Variants in ADAMTS17 observed in about 807,000 individuals in gnomAD.
ADAMTS17 encodes A disintegrin and metalloproteinase with thrombospondin motifs 17.
In ADAMTS17, 113 loss-of-function variants were observed where a neutral mutation model predicts 141.5. That is an observed-to-expected ratio of 0.80 (90% CI 0.69 to 0.93). ADAMTS17 has a LOEUF of 0.93. Among genes scored for constraint, ADAMTS17 ranks in the 40% least tolerant of loss-of-function variants. The pLI is 0.00. For synonymous variants in ADAMTS17, 768 were observed against 630.6 expected, an observed-to-expected ratio of 1.22 and a Z score of -3.27; for missense variants, 1,659 against 1,517.9, an observed-to-expected ratio of 1.09 and a Z score of -1.54.
At chr15:100,022,188 C>G (rs1345205835) in intron 18 of ADAMTS17, among the ~76,000 whole-genome samples, 1 of 152,190 alleles carries the variant, frequency 6.6e-6, no homozygotes, top group African/African-American at 2.4e-5. Flanking sequence ...TATGGTCAAT[C>G]TGTTATCACC....
intron 10 of ADAMTS17, among the ~76,000 whole-genome samples, chr15:100,135,496 G>C (rs1310055565): frequency 6.6e-6 from 1 of 151,998 alleles, no homozygotes; most frequent in Non-Finnish European, 1.5e-5. Flanking sequence ...TGTTAGCCAG[G>C]ATGGTCTCAA....
intron 7 of ADAMTS17, among the ~76,000 whole-genome samples, chr15:100,223,961 G>T (rs1477838156): frequency 2.6e-5 from 4 of 152,110 alleles, no homozygotes; most frequent in Non-Finnish European, 4.4e-5. Context: ...AGTGTTCAAT[G>T]GCAGGAAGCA....
At chr15:100,291,289 A>G (rs567109936) in intron 3 of ADAMTS17, among the ~76,000 whole-genome samples, 1 of 152,350 alleles carries the variant, frequency 6.6e-6, no homozygotes, top group South Asian at 2.1e-4. Context: ...AACCAAAACC[A>G]CAATGAGATA....
At chr15:100,263,260 C>T (rs2043594859) in intron 4 of ADAMTS17, among the ~76,000 whole-genome samples, 1 of 152,144 alleles carries the variant, frequency 6.6e-6, no homozygotes, top group African/African-American at 2.4e-5. Flanking sequence ...GGCATCTCCA[C>T]TACTCTCAGC....
At chr15:99,975,948 G>A in intron 21 of ADAMTS17, 97 bp downstream of exon 21, 1 of 1,358,672 alleles carries the variant, frequency 7.4e-7, no homozygotes, top group South Asian at 1.5e-5. Flanking sequence ...GGCCCAAGAA[G>A]GGGCTTTCTG....
chr15:100,247,563 C>T (rs2141930411), intron 7 of ADAMTS17, among the ~76,000 whole-genome samples: 1 of 152,248 alleles, frequency 6.6e-6, no homozygotes, highest in African/African-American at 2.4e-5. Context: ...CACAGGGTGA[C>T]CAATGTGGAA....
chr15:100,330,447 CCGGGGG>C (rs1195117887), intron 3 of ADAMTS17, among the ~76,000 whole-genome samples: 4 of 152,150 alleles, frequency 2.6e-5, no homozygotes, highest in Non-Finnish European at 5.9e-5. Flanking sequence ...TGCTGCTGGC[CCGGGGG>C]CCACACTGTA....
At chr15:100,051,488 C>T in intron 17 of ADAMTS17, 84 bp downstream of exon 17, 1 of 1,586,176 alleles carries the variant, frequency 6.3e-7, no homozygotes, top group Non-Finnish European at 8.6e-7. Flanking sequence ...AGATGTCTCA[C>T]ACTCTGCGTG....
At chr15:100,281,521 G>A (rs1482192330) in intron 3 of ADAMTS17, 120 bp from the exon 4 acceptor site, 3 of 1,304,554 alleles carry the variant, frequency 2.3e-6, no homozygotes, top group Non-Finnish European at 3.2e-6. Context: ...GGCCTAGAGG[G>A]GCCCAGCACC....
intron 4 of ADAMTS17, among the ~76,000 whole-genome samples, chr15:100,262,836 C>CA (rs1417925882): frequency 1.4e-5 from 2 of 147,346 alleles, no homozygotes; most frequent in Non-Finnish European, 3.0e-5. Context: ...ATTCAAATGT[C>CA]AGTGTCCATA....
At chr15:100,152,578 T>C (rs1414586353) in intron 10 of ADAMTS17, 34 bp downstream of exon 10, 1 of 1,610,590 alleles carries the variant, frequency 6.2e-7, no homozygotes, top group East Asian at 2.2e-5. Flanking sequence ...GGATCCATGC[T>C]CTGTCCCGAG....
chr15:100,004,726 TTCTGGTGCCTCAGCCTC>T (rs1234476684), intron 18 of ADAMTS17, among the ~76,000 whole-genome samples: 1 of 151,372 alleles, frequency 6.6e-6, no homozygotes, highest in African/African-American at 2.4e-5. Context: ...GTTCAAGGGA[TTCTGGTGCCTCAGCCTC>T]CTGAGTAGCT....
intron 7 of ADAMTS17, among the ~76,000 whole-genome samples, chr15:100,201,958 C>A (rs2041350965): frequency 6.6e-6 from 1 of 152,212 alleles, no homozygotes; most frequent in Non-Finnish European, 1.5e-5. Context: ...AGACACACAC[C>A]CAGCAGTGCC....
chr15:100,103,162 G>A (rs990338911), intron 14 of ADAMTS17, among the ~76,000 whole-genome samples: 35 of 152,282 alleles, frequency 2.3e-4, no homozygotes, highest in African/African-American at 7.7e-4. Context: ...AGTTGTCATG[G>A]GAGGTTAATC....
At chr15:100,224,193 T>C (rs2042228564) in intron 7 of ADAMTS17, among the ~76,000 whole-genome samples, 1 of 152,160 alleles carries the variant, frequency 6.6e-6, no homozygotes, top group Admixed American at 6.5e-5. Flanking sequence ...TCCAGTCAAG[T>C]TGACACTCGG....
intron 10 of ADAMTS17, among the ~76,000 whole-genome samples, chr15:100,142,135 G>A (rs1390373005): frequency 6.6e-6 from 1 of 152,230 alleles, no homozygotes; most frequent in East Asian, 1.9e-4. Flanking sequence ...GTAAGACACA[G>A]AAACTTCTAA....
At chr15:100,014,828 G>A (rs532837028) in intron 18 of ADAMTS17, among the ~76,000 whole-genome samples, 4 of 152,252 alleles carry the variant, frequency 2.6e-5, no homozygotes, top group African/African-American at 9.6e-5. Context: ...AATAGAATGT[G>A]TATTCTGCAG....
intron 4 of ADAMTS17, among the ~76,000 whole-genome samples, chr15:100,275,841 G>A (rs1021831507): frequency 5.3e-5 from 8 of 150,456 alleles, no homozygotes; most frequent in Non-Finnish European, 1.2e-4. Flanking sequence ...CGGAGCAAAC[G>A]CTTGATGCCA....
chr15:100,017,902 C>T (rs2573678), intron 18 of ADAMTS17, among the ~76,000 whole-genome samples: 114,646 of 152,088 alleles, frequency 0.75, 43,723 homozygotes, highest in African/African-American at 0.84. Flanking sequence ...GTTTTTTTGT[C>T]GTGGTAAAAT....
Sources: allele counts gnomAD v4.1 joint callset (sites outside exome capture counted in the v4.1 genomes callset), GRCh38; gene constraint gnomAD v4.1.1; transcripts MANE v1.5; gene names NCBI Gene and HGNC (gene_info 2026-07-23, HGNC 2026-07-21).